SDCCAG8: variants seen among roughly 807,000 people sequenced by gnomAD.
SDCCAG8 encodes serologically defined colon cancer antigen 8.
A neutral mutation model predicts 101.8 loss-of-function variants in SDCCAG8; 74 were observed. The observed-to-expected ratio is 0.73, with a 90% CI of 0.60 to 0.88. SDCCAG8 has a LOEUF of 0.88. Ranked by LOEUF, SDCCAG8 falls within the 40% of genes least tolerant of loss-of-function variation. The pLI, the probability that SDCCAG8 is intolerant of heterozygous loss-of-function variation, is 0.00. For synonymous variants in SDCCAG8, 281 were observed against 292.9 expected (o/e 0.96, Z 0.41); for missense variants, 787 against 822.6 (o/e 0.96, Z 0.53).
At chr1:243,467,084 C>T (rs754230270) in intron 16 of SDCCAG8, among the ~76,000 whole-genome samples, 11 of 152,214 alleles carry the variant, frequency 7.2e-5, no homozygotes, top group South Asian at 2.1e-4. Flanking sequence ...GCCCAAACAG[C>T]GCTAAATTCC....
intron 16 of SDCCAG8, among the ~76,000 whole-genome samples, chr1:243,461,669 T>C (rs899823879): frequency 2.6e-5 from 4 of 152,226 alleles, no homozygotes; most frequent in African/African-American, 9.6e-5. Context: ...GAACCTTTGT[T>C]ACCACTGAGG....
chr1:243,359,539 A>G (rs1332514502), intron 12 of SDCCAG8, among the ~76,000 whole-genome samples: 1 of 152,190 alleles, frequency 6.6e-6, no homozygotes, highest in Non-Finnish European at 1.5e-5. Context: ...GGAAAACAGG[A>G]CAGAGTCACA....
intron 5 of SDCCAG8, 56 bp from the exon 6 acceptor site, chr1:243,293,035 A>G: frequency 1.3e-6 from 2 of 1,597,306 alleles, no homozygotes; most frequent in Non-Finnish European, 1.7e-6. Flanking sequence ...TTTGTAAAAT[A>G]TGCATGTTTA....
At chr1:243,469,226 T>A (rs564350462) in intron 16 of SDCCAG8, among the ~76,000 whole-genome samples, 2 of 152,340 alleles carry the variant, frequency 1.3e-5, no homozygotes, top group South Asian at 4.1e-4. Flanking sequence ...TTAGGCTGAT[T>A]TGTCATTTTT....
intron 9 of SDCCAG8, among the ~76,000 whole-genome samples, chr1:243,327,799 G>T (rs187855069): frequency 3.9e-5 from 6 of 152,322 alleles, no homozygotes; most frequent in Admixed American, 3.9e-4. Context: ...TCATTTTTCT[G>T]ATTCCAAGTG....
intron 6 of SDCCAG8, among the ~76,000 whole-genome samples, chr1:243,303,349 T>C (rs2071734556): frequency 6.6e-6 from 1 of 152,342 alleles, no homozygotes; most frequent in African/African-American, 2.4e-5. Flanking sequence ...AGATATCATA[T>C]AGAAACATTT....
chr1:243,322,889 CA>C (rs1357810820), intron 9 of SDCCAG8, among the ~76,000 whole-genome samples: 1 of 151,954 alleles, frequency 6.6e-6, no homozygotes, highest in Non-Finnish European at 1.5e-5. Flanking sequence ...GTAATCTCAG[CA>C]CTTTGGGAGG....
At chr1:243,304,120 G>T (rs889034476) in intron 6 of SDCCAG8, among the ~76,000 whole-genome samples, 6 of 151,946 alleles carry the variant, frequency 3.9e-5, no homozygotes, top group African/African-American at 1.5e-4. Flanking sequence ...AGGGGTCAAT[G>T]ACCCTAACCT....
chr1:243,370,211 A>G (rs1369787980), intron 12 of SDCCAG8, among the ~76,000 whole-genome samples: 1 of 152,112 alleles, frequency 6.6e-6, no homozygotes, highest in Non-Finnish European at 1.5e-5. Flanking sequence ...TATGTATGCA[A>G]ATATGTCAGC....
chr1:243,477,856 G>A (rs1017967215), intron 16 of SDCCAG8, among the ~76,000 whole-genome samples: 1 of 152,210 alleles, frequency 6.6e-6, no homozygotes, highest in Non-Finnish European at 1.5e-5. Flanking sequence ...GATCAATGTG[G>A]CTCAGAGTGT....
chr1:243,490,398 C>T (rs969003492), intron 17 of SDCCAG8, among the ~76,000 whole-genome samples: 6 of 152,228 alleles, frequency 3.9e-5, no homozygotes, highest in Admixed American at 2.0e-4. Context: ...TCACCTGGCA[C>T]GCTCCATGGC....
intron 9 of SDCCAG8, among the ~76,000 whole-genome samples, chr1:243,328,788 G>T (rs2074390283): frequency 6.6e-6 from 1 of 152,156 alleles, no homozygotes; most frequent in Non-Finnish European, 1.5e-5. Flanking sequence ...ATCCTGCCAG[G>T]ATTATTTACT....
At chr1:243,348,727 G>A (rs1573477539) in intron 12 of SDCCAG8, among the ~76,000 whole-genome samples, 2 of 151,028 alleles carry the variant, frequency 1.3e-5, no homozygotes. Context: ...TAATCCCAGC[G>A]CTTTGGGAGG....
chr1:243,381,962 A>C (rs928723649), intron 13 of SDCCAG8, among the ~76,000 whole-genome samples: 3 of 152,186 alleles, frequency 2.0e-5, no homozygotes, highest in African/African-American at 7.2e-5. Context: ...AGGGAGGTGG[A>C]GATATTTGGC....
intron 13 of SDCCAG8, among the ~76,000 whole-genome samples, chr1:243,394,212 T>C (rs2078898579): frequency 6.6e-6 from 1 of 152,182 alleles, no homozygotes; most frequent in South Asian, 2.1e-4. Context: ...GGGGGAAACA[T>C]TACAGGATTT....
intron 12 of SDCCAG8, among the ~76,000 whole-genome samples, chr1:243,373,849 CA>C (rs1396029200): frequency 6.6e-6 from 1 of 151,978 alleles, no homozygotes; most frequent in Non-Finnish European, 1.5e-5. Flanking sequence ...TTATTAAACC[CA>C]CACGTTTATT....
In SDCCAG8 at chr1:243,316,809, T is replaced by TA. The variant is rs1360103474; in HGVS notation, c.985dup (p.Thr329AsnfsTer10). On this transcript the variant is annotated frameshift_variant, in exon 9 of 18. Transcript: ENST00000366541. LOFTEE classifies it high-confidence loss of function. ...TTTCCGTAAGGAGCAGCTTGGCAGATACGCAGCAAAGAGAAGCAAGTGCTT... is the reference window on the plus strand; with the variant it reads ...TTTCCGTAAGGAGCAGCTTGGCAGATAACGCAGCAAAGAGAAGCAAGTGCTT... 6.2e-6 allele frequency: 10 copies of TA among 1,614,050 alleles called. No homozygotes were observed. The highest frequency in any genetic ancestry group is 8.5e-6 in the Non-Finnish European group (10 of 1,180,012).
In SDCCAG8 at chr1:243,474,275, TCTC is replaced by T. The variant is rs1450540320; in HGVS notation, c.1986-14732_1986-14730del. Among the ~76,000 whole-genome samples, 1 of 152,080 alleles carries T rather than the reference TCTC, an allele frequency of 6.6e-6. No homozygotes were observed. Among genetic ancestry groups the T allele is most frequent in the African/African-American group, 2.4e-5 (1 of 41,404 alleles). On this transcript the variant is annotated intron_variant, in intron 16 of 17. Coordinates refer to ENST00000366541, the MANE Select transcript of SDCCAG8 (RefSeq NM_006642.5). This position sits in a 1 kb window ranked among gnomAD's most constrained non-coding sequence, Gnocchi z 4.7. ...ATGGAGTTAATGAAGCTTTCACCCA[TCTC>T]CTCCTCTCAACCGTCATCCCGGTTT...
intron 7 of SDCCAG8, chr1:243,305,303 CA>C (rs2071980437): frequency 8.2e-6 from 1 of 121,458 alleles, no homozygotes; most frequent in Non-Finnish European, 1.7e-5. Flanking sequence ...GACTCCATTT[CA>C]AAAAAGAAAA....
Sources: allele counts gnomAD v4.1 joint callset (sites outside exome capture counted in the v4.1 genomes callset), GRCh38; gene constraint gnomAD v4.1.1; non-coding constraint Gnocchi (gnomAD v3.1); transcripts MANE v1.5; gene names NCBI Gene and HGNC (gene_info 2026-07-23, HGNC 2026-07-21).